FBN1: variants seen among roughly 807,000 people sequenced by gnomAD.
FBN1 encodes fibrillin 1.
Under a neutral mutation model 365.1 loss-of-function variants are expected in FBN1, and 29 were observed. The observed-to-expected ratio is 0.08, with a 90% confidence interval of 0.06 to 0.11. The LOEUF (loss-of-function observed/expected upper bound fraction) is 0.11, where lower values mean the gene tolerates loss of function less well. Ranked by LOEUF, FBN1 falls within the 10% of genes least tolerant of loss-of-function variation. The probability of loss-of-function intolerance (pLI) is 1.00; values close to 1 mark genes in which losing one functional copy is unlikely to be tolerated. For missense variants in FBN1, 2,476 were observed against 3,703.2 expected (o/e 0.67, Z 8.60); for synonymous variants, 1,210 against 1,270.5 (o/e 0.95, Z 1.01).
At chr15:48,613,688 G>A (rs1483199297) in intron 2 of FBN1, among the ~76,000 whole-genome samples, 1 of 152,174 alleles carries the variant, frequency 6.6e-6, no homozygotes, top group Non-Finnish European at 1.5e-5. Context: ...AGCACTTTGG[G>A]AAGCCGAGGT....
At chr15:48,631,821 A>G (rs1340373605) in intron 2 of FBN1, among the ~76,000 whole-genome samples, 1 of 152,248 alleles carries the variant, frequency 6.6e-6, no homozygotes, top group Admixed American at 6.5e-5. Flanking sequence ...TTTCAAGAAT[A>G]GCGCACCACC....
chr15:48,529,802 C>G (rs2043952283), intron 8 of FBN1: 5 of 152,888 alleles, frequency 3.3e-5, no homozygotes, highest in Admixed American at 3.3e-4. Context: ...AAAACGTCAG[C>G]CATACTATTT....
At position 48,434,590 on chromosome 15, in the gene FBN1, G is replaced by C; in HGVS notation, c.6616+4C>G. On this transcript the variant is annotated splice_donor_region_variant and intron_variant, in intron 54 of 65. Coordinates refer to ENST00000316623, the MANE Select transcript of FBN1 (RefSeq NM_000138.5). Reference sequence around the variant, plus strand: ...ATCAACTGTTCTCTGTTTAAGAGATGTACCTTCACATGTCATCATTGGACC... The same window carrying C: ...ATCAACTGTTCTCTGTTTAAGAGATCTACCTTCACATGTCATCATTGGACC... 1 of 1,613,462 alleles carries C rather than the reference G, an allele frequency of 6.2e-7. No individual in the cohort carries two copies. The highest frequency in any genetic ancestry group is 8.5e-7 in the Non-Finnish European group (1 of 1,179,648).
chr15:48,493,977 C>T (rs1256787611), intron 23 of FBN1, among the ~76,000 whole-genome samples: 3 of 152,224 alleles, frequency 2.0e-5, no homozygotes, highest in African/African-American at 7.2e-5. Context: ...CAACCTAAAA[C>T]ATTTTCAGCC....
At chr15:48,509,303 T>C (rs1191255446) in intron 14 of FBN1, among the ~76,000 whole-genome samples, 2 of 151,694 alleles carry the variant, frequency 1.3e-5, no homozygotes. Flanking sequence ...GTTCTTTAAA[T>C]TCATCACTAT....
At chr15:48,430,531 C>G (rs1597520357) in intron 56 of FBN1, 140 bp downstream of exon 56, 1 of 878,026 alleles carries the variant, frequency 1.1e-6, no homozygotes. Flanking sequence ...AGGGAACCAC[C>G]ATGGAGAGTC....
intron 38 of FBN1, among the ~76,000 whole-genome samples, chr15:48,467,253 C>T (rs928240634): frequency 6.6e-6 from 1 of 152,158 alleles, no homozygotes; most frequent in East Asian, 1.9e-4. Flanking sequence ...CATCTTTGCA[C>T]ATCCAGAGTA....
chr15:48,444,505 A>C (rs1360588248), intron 49 of FBN1, 36 bp downstream of exon 49: 1 of 1,612,232 alleles, frequency 6.2e-7, no homozygotes, highest in Non-Finnish European at 8.5e-7. Context: ...TGGACACCCG[A>C]CACTCCTCAT....
intron 2 of FBN1, among the ~76,000 whole-genome samples, chr15:48,621,353 T>C (rs1349586468): frequency 6.6e-6 from 1 of 152,184 alleles, no homozygotes; most frequent in Non-Finnish European, 1.5e-5. Context: ...TGGAAAATCA[T>C]GTTGATACTA....
intron 6 of FBN1, among the ~76,000 whole-genome samples, chr15:48,585,285 C>A (rs1411079317): frequency 2.6e-5 from 4 of 152,188 alleles, no homozygotes; most frequent in Non-Finnish European, 4.4e-5. Context: ...ACCATTAGAA[C>A]ATTCTTTATT....
At chr15:48,490,211 T>C in intron 24 of FBN1, 133 bp from the exon 25 acceptor site, 1 of 830,676 alleles carries the variant, frequency 1.2e-6, no homozygotes, top group South Asian at 1.5e-5. Flanking sequence ...ATTAGTTTTA[T>C]TCCTCAAAAA....
chr15:48,412,249 G>C (rs957107075), intron 65 of FBN1, among the ~76,000 whole-genome samples: 1 of 152,134 alleles, frequency 6.6e-6, no homozygotes, highest in Admixed American at 6.6e-5. Flanking sequence ...ATGTCACTTC[G>C]CTATTCTGCC....
At chr15:48,499,968 C>T (rs971480515) in intron 17 of FBN1, among the ~76,000 whole-genome samples, 9 of 152,184 alleles carry the variant, frequency 5.9e-5, no homozygotes, top group African/African-American at 2.4e-5. Flanking sequence ...TTCCTATCCC[C>T]TGCATGCCAG....
chr15:48,418,874 T>C (rs1796293300), intron 63 of FBN1, among the ~76,000 whole-genome samples: 2 of 152,218 alleles, frequency 1.3e-5, no homozygotes, highest in Non-Finnish European at 2.9e-5. Context: ...GATAGGAAAC[T>C]TCACAAATGC....
intron 6 of FBN1, among the ~76,000 whole-genome samples, chr15:48,561,046 G>C (rs1425643673): frequency 3.9e-5 from 6 of 152,110 alleles, no homozygotes; most frequent in Non-Finnish European, 8.8e-5. Context: ...TTACAGACTA[G>C]AAAACAAAGT....
rs2044549785 is a variant in FBN1, at chr15:48,600,111, A to G, written c.442+28T>C. ...CTTGTCTACAAACAGGTTAACATCT[A>G]GAATACTTATAACTACAGTGTACTT... On this transcript the variant is annotated intron_variant, in intron 5 of 65. Coordinates refer to ENST00000316623, the MANE Select transcript of FBN1 (RefSeq NM_000138.5). 4 of 1,499,996 alleles carry G rather than the reference A, an allele frequency of 2.7e-6. No homozygotes were observed. In the African/African-American group the frequency reaches 5.5e-5, roughly 21 times the overall value. The allele number at this position is 1,499,996 out of a possible 1,614,324, so 92.9% of individuals were successfully genotyped here. A position where few individuals can be genotyped will look rare whatever the true frequency, so the allele number is the denominator to read the frequency against.
intron 6 of FBN1, among the ~76,000 whole-genome samples, chr15:48,595,439 A>G (rs1046592542): frequency 6.6e-6 from 1 of 152,212 alleles, no homozygotes; most frequent in Non-Finnish European, 1.5e-5. Context: ...AAAACTAGGG[A>G]TGATGAGAAA....
At chr15:48,544,579 C>T (rs2044081261) in intron 6 of FBN1, among the ~76,000 whole-genome samples, 1 of 152,150 alleles carries the variant, frequency 6.6e-6, no homozygotes, top group Non-Finnish European at 1.5e-5. Flanking sequence ...TTGTTGTACA[C>T]CTTTTAATCT....
At chr15:48,515,787 T>C (rs2043795956) in intron 11 of FBN1, among the ~76,000 whole-genome samples, 1 of 152,166 alleles carries the variant, frequency 6.6e-6, no homozygotes, top group South Asian at 2.1e-4. Context: ...AACCTCTAGT[T>C]TGCAGAAATA....
Sources: gnomAD v4.1 joint callset for allele counts (sites outside exome capture counted in the v4.1 genomes callset) on GRCh38, gnomAD v4.1.1 for gene constraint, MANE v1.5 for transcripts, NCBI Gene and HGNC (gene_info 2026-07-23, HGNC 2026-07-21) for gene names.